ATG2A: variants seen among roughly 807,000 people sequenced by gnomAD.
ATG2A encodes the protein autophagy related 2A.
In ATG2A, 103 loss-of-function variants were observed where a neutral mutation model predicts 214.2. The ratio of observed to expected loss-of-function variants is 0.48; its 90% CI spans 0.41 to 0.57. The LOEUF (loss-of-function observed/expected upper bound fraction) is 0.57, where lower values mean the gene tolerates loss of function less well. Among genes scored for constraint, ATG2A ranks in the 20% least tolerant of loss-of-function variants. The pLI is 0.00. For missense variants in ATG2A, 2,312 were observed against 2,613.2 expected (o/e 0.88, Z 2.51); for synonymous variants, 1,160 against 1,142.1 (o/e 1.02, Z -0.32).
At chr11:64,908,910 A>G (rs934369386) in intron 16 of ATG2A, 81 bp downstream of exon 16, 8 of 1,507,740 alleles carry the variant, frequency 5.3e-6, no homozygotes, top group Non-Finnish European at 7.1e-6. Flanking sequence ...CCTGGCCCAC[A>G]GCCACACAGG....
chr11:64,900,729 CCA>C, intron 30 of ATG2A, 100 bp from the exon 31 acceptor site: 1 of 1,457,856 alleles, frequency 6.9e-7, no homozygotes, highest in East Asian at 2.5e-5. Flanking sequence ...CCCGCTAGCC[CCA>C]GTCCTGGAAG....
Position 64,909,028 on chromosome 11 carries a change from G to T in ATG2A, c.2327C>A (p.Pro776His). Residue 776 changes from proline (P) to histidine (H), a missense_variant, in exon 16 of 41, where the codon CCC becomes CAC. Physicochemically the swap from Pro to His is moderately conservative, Grantham distance 77. Coordinates refer to ENST00000377264, the MANE Select transcript of ATG2A (RefSeq NM_015104.3). ...PCELREPEPS[P>H]FSSKRTMYET... The stretch of plus-strand genomic sequence containing the variant: ...ATACATGGTCCTCTTAGAGGAGAAG[G>T]GCGAGGGCTCAGGTTCCCGCAGCTC... 1 of 1,609,104 alleles carries T rather than the reference G, an allele frequency of 6.2e-7. No individual in the cohort carries two copies. The highest frequency in any genetic ancestry group is 8.5e-7 in the Non-Finnish European group (1 of 1,178,142).
chr11:64,900,786 G>T, intron 30 of ATG2A, 98 bp downstream of exon 30: 1 of 1,449,190 alleles, frequency 6.9e-7, no homozygotes, highest in Non-Finnish European at 9.2e-7. Flanking sequence ...CCCACCTGGG[G>T]TGGATGGGGC....
chr11:64,905,517 CG>C, intron 24 of ATG2A, 45 bp downstream of exon 24: 1 of 1,556,570 alleles, frequency 6.4e-7, no homozygotes, highest in East Asian at 2.3e-5. Context: ...CAGGCAGCTT[CG>C]GCCCGGCGAG....
chr11:64,897,960 G>A lies in ATG2A; in HGVS notation c.4873C>T (p.Arg1625Ter). 3.2e-6 allele frequency: 5 copies of A among 1,551,220 alleles called. No homozygotes were observed. The highest frequency in any genetic ancestry group is 4.3e-6 in the Non-Finnish European group (5 of 1,151,522). Reference protein sequence around the residue: ...ETSAEARPETRAQPSSPLEGQ... With the variant: ...ETSAEARPET The stretch of plus-strand genomic sequence containing the variant: ...TCCAGGGGGCTGCTGGGCTGGGCTC[G>A]AGTCTCGGGGCGAGCTAGGGGAGGG... The change falls in exon 35 of 41, where the codon CGA becomes TGA. Residue 1625 changes from arginine to a stop codon, truncating the protein, a stop_gained. Coordinates refer to ENST00000377264, the MANE Select transcript of ATG2A (RefSeq NM_015104.3). LOFTEE classifies it high-confidence loss of function.
intron 6 of ATG2A, 155 bp from the exon 7 acceptor site, chr11:64,912,578 C>G: frequency 1.6e-6 from 1 of 614,810 alleles, no homozygotes; most frequent in Non-Finnish European, 2.8e-6. Flanking sequence ...ACAACTTGAC[C>G]TCTCAGCCTC....
In ATG2A at chr11:64,913,832, G is replaced by A. The variant is rs1184519629; in HGVS notation, c.579C>T (p.Val193=). 1 of 1,613,302 alleles carries A rather than the reference G, an allele frequency of 6.2e-7. No individual in the cohort carries two copies. The highest frequency in any genetic ancestry group is 8.5e-7 in the Non-Finnish European group (1 of 1,179,968). The change falls in exon 4 of 41, where the codon GTC becomes GTT. Residue 193 remains valine, a synonymous_variant. Transcript: ENST00000377264. This position sits in a 1 kb window ranked among gnomAD's most constrained non-coding sequence, Gnocchi z 4.3. The part of the protein sequence containing the change: ...GDGERGVAVE[V]RVQRLEYCDE... Reference sequence around the variant, plus strand: ...CGGCCTGCCCTTACCTCTGCACACGGACCTCGACGGCCACACCACGTTCCC... The same window carrying A: ...CGGCCTGCCCTTACCTCTGCACACGAACCTCGACGGCCACACCACGTTCCC...
At chr11:64,906,886 G>T in intron 19 of ATG2A, 71 bp from the exon 20 acceptor site, 1 of 1,527,610 alleles carries the variant, frequency 6.5e-7, no homozygotes, top group East Asian at 2.4e-5. Context: ...GGGGGTTGGC[G>T]GCTCCTGGAG....
At chr11:64,896,441 A>G in intron 39 of ATG2A, 21 bp downstream of exon 39, 1 of 1,599,242 alleles carries the variant, frequency 6.3e-7, no homozygotes, top group Non-Finnish European at 8.5e-7. Flanking sequence ...TGCACAGCCC[A>G]GATACAGGGC....
In ATG2A at chr11:64,906,416, G is replaced by C; in HGVS notation, c.3101C>G (p.Ser1034Trp). Residue 1034 changes from serine (S) to tryptophan (W), a missense_variant, in exon 21 of 41, where the codon TCG (serine) becomes TGG (tryptophan). By Grantham distance (177) the Ser-to-Trp change is radical. Coordinates refer to ENST00000377264, the MANE Select transcript of ATG2A (RefSeq NM_015104.3). ...TCCCCGGCCCTGGCCCTTGCGGCCC[G>C]AGGCTCCCCGCTCGGTCACCCCTTC... ...SEEGVTERGA[S>W]GRKGQGRGPH... 1 of 1,613,186 alleles carries C rather than the reference G, an allele frequency of 6.2e-7. No individual in the cohort carries two copies. The highest frequency in any genetic ancestry group is 8.5e-7 in the Non-Finnish European group (1 of 1,180,004).
At position 64,896,812 on chromosome 11, in the gene ATG2A, G is replaced by C. The variant is rs1325871550; in HGVS notation, c.5208C>G (p.Ile1736Met). The C allele has an allele frequency of 1.9e-6, 3 of 1,614,038 alleles. No homozygotes were observed. In the South Asian group the frequency reaches 3.3e-5, roughly 18 times the overall value. The change falls in exon 38 of 41, where the codon ATC becomes ATG. Residue 1736 changes from isoleucine (I) to methionine (M), a missense_variant. Ile to Met is a conservative substitution (Grantham distance 10). Transcript: ENST00000377264. The stretch of plus-strand genomic sequence containing the variant: ...GCAGGCCGGGCAGCTGGTTCTTGCG[G>C]ATGTCCTGCAGCCACTCGTTGAGGG... ...GYALNEWLQD[I>M]RKNQLPGLLG...
At chr11:64,912,587 TCA>T (rs1238382782) in intron 6 of ATG2A, 164 bp from the exon 7 acceptor site, 5 of 601,642 alleles carry the variant, frequency 8.3e-6, no homozygotes, top group Admixed American at 3.3e-5. Context: ...CCTCTCAGCC[TCA>T]GTTTCTTTTT....
In ATG2A at chr11:64,911,145, C is replaced by T. The variant is rs151243555; in HGVS notation, c.1359G>A (p.Thr453=). 9.4e-5 allele frequency: 152 copies of T among 1,613,934 alleles called. No homozygotes were observed. Among genetic ancestry groups the T allele is most frequent in the Non-Finnish European group, 1.2e-4 (146 of 1,180,024 alleles). Residue 453 remains threonine (T), a synonymous_variant, in exon 10 of 41, where the codon ACG becomes ACA. Transcript: ENST00000377264. ...TGGCATCAAACTCGGTGAAAAAGTG[C>T]GTGGCGAGGTCAGGTGGTCCGGAAG... ...APSSGPPDLA[T]HFFTEFDATK...
At position 64,897,721 on chromosome 11, in the gene ATG2A, C is replaced by A; in HGVS notation, c.5017G>T (p.Val1673Phe). The A allele has an allele frequency of 6.2e-7, 1 of 1,614,226 alleles. No homozygotes were observed. Among genetic ancestry groups the A allele is most frequent in the South Asian group, 1.1e-5 (1 of 91,080 alleles). ...CCATGGTAATCCAGCCAGATGGGGACCTCAGACGTGAAGCGGAACTCTCTG... is the reference window on the plus strand; with the variant it reads ...CCATGGTAATCCAGCCAGATGGGGAACTCAGACGTGAAGCGGAACTCTCTG... ...YFREFRFTSE[V>F]PIWLDYHGKH... Residue 1673 changes from valine (V) to phenylalanine (F), a missense_variant, in exon 36 of 41, where the codon GTC becomes TTC. Val to Phe is a conservative substitution (Grantham distance 50, BLOSUM62 -1). Coordinates refer to ENST00000377264, the MANE Select transcript of ATG2A (RefSeq NM_015104.3).
At chr11:64,911,302 G>C in intron 9 of ATG2A, 27 bp from the exon 10 acceptor site, 1 of 1,604,818 alleles carries the variant, frequency 6.2e-7, no homozygotes, top group South Asian at 1.1e-5. Flanking sequence ...TTCAGCAGGG[G>C]CTCCCAACAG....
rs1944218291 is a variant in ATG2A, at chr11:64,898,054, C to T, written c.4858+32G>A. On this transcript the variant is annotated intron_variant, in intron 34 of 40. Coordinates refer to ENST00000377264, the MANE Select transcript of ATG2A (RefSeq NM_015104.3). The surrounding 1 kb of genome is among the most constrained non-coding windows in gnomAD (Gnocchi z 4.5). ...GTGCTGTCCTGGGAGGCAGAAGGCCCAGACGCTCCCCTCCCTGGCCCAGCC... is the reference window on the plus strand; with the variant it reads ...GTGCTGTCCTGGGAGGCAGAAGGCCTAGACGCTCCCCTCCCTGGCCCAGCC... 2.5e-6 allele frequency: 4 copies of T among 1,611,950 alleles called. No individual in the cohort carries two copies. Among genetic ancestry groups the T allele is most frequent in the Non-Finnish European group, 2.5e-6 (3 of 1,179,358 alleles).
In ATG2A at chr11:64,906,446, G is replaced by A. The variant is rs770473355; in HGVS notation, c.3071C>T (p.Ser1024Leu). The change falls in exon 21 of 41, where the codon TCG (serine) becomes TTG (leucine). Residue 1024 changes from serine (S) to leucine (L), a missense_variant. Ser to Leu is a moderately radical substitution (Grantham distance 145). Coordinates refer to ENST00000377264, the MANE Select transcript of ATG2A (RefSeq NM_015104.3). ...PAQLAPTIYP[S>L]EEGVTERGAS... ...TCCCCGCTCGGTCACCCCTTCCTCC[G>A]ATGGGTAGATGGTTGGGGCCAGCTG... 9 of 1,613,150 alleles carry A rather than the reference G, an allele frequency of 5.6e-6. No homozygotes were observed. The highest frequency in any genetic ancestry group is 4.0e-5 in the African/African-American group (3 of 74,924).
At chr11:64,906,862 C>A (rs764560376) in intron 19 of ATG2A, 47 bp from the exon 20 acceptor site, 8 of 1,579,044 alleles carry the variant, frequency 5.1e-6, no homozygotes, top group South Asian at 1.1e-5. Flanking sequence ...CACTCAGCAA[C>A]CCTCAAGCCC....
intron 14 of ATG2A, 122 bp from the exon 15 acceptor site, chr11:64,909,489 G>T: frequency 7.2e-7 from 1 of 1,393,574 alleles, no homozygotes; most frequent in Non-Finnish European, 9.9e-7. Flanking sequence ...GGCAGAGAAA[G>T]CCAGAGACAA....
Sources: allele counts gnomAD v4.1 joint callset, GRCh38; gene constraint gnomAD v4.1.1; non-coding constraint Gnocchi (gnomAD v3.1); transcripts MANE v1.5; gene names NCBI Gene and HGNC (gene_info 2026-07-23, HGNC 2026-07-21).